The following SDK1 variants were observed in gnomAD, a reference collection of about 807,000 sequenced individuals.
SDK1 encodes the protein protein sidekick-1.
SDK1 carries 157 observed loss-of-function variants against 245.5 expected under a neutral mutation model. The ratio of observed to expected loss-of-function variants is 0.64; its 90% CI spans 0.56 to 0.73. The LOEUF (loss-of-function observed/expected upper bound fraction) is 0.73, where lower values mean the gene tolerates loss of function less well. SDK1 is among the 30% of genes least tolerant of loss of function. The pLI is 0.00. For missense variants in SDK1, 3,583 were observed against 3,002.3 expected, an observed-to-expected ratio of 1.19 and a Z score of -4.52; for synonymous variants, 1,647 against 1,278.5, an observed-to-expected ratio of 1.29 and a Z score of -6.15.
intron 4 of SDK1, among the ~76,000 whole-genome samples, chr7:3,741,153 G>C (rs1158765237): frequency 6.6e-6 from 1 of 152,198 alleles, no homozygotes; most frequent in African/African-American, 2.4e-5. Context: ...GATGTGCTGA[G>C]CACTCTCTGA....
chr7:3,965,168 G>C (rs962389361), intron 9 of SDK1, among the ~76,000 whole-genome samples: 2 of 152,166 alleles, frequency 1.3e-5, no homozygotes. Context: ...GCGAGTGGCT[G>C]TGTTCCAATA....
chr7:4,260,828 G>T (rs1787955132), intron 44 of SDK1, among the ~76,000 whole-genome samples: 3 of 149,928 alleles, frequency 2.0e-5, no homozygotes, highest in Admixed American at 6.6e-5. Flanking sequence ...GGCTGCTCCG[G>T]GGTCTCTGCA....
intron 4 of SDK1, among the ~76,000 whole-genome samples, chr7:3,738,594 A>G (rs577600816): frequency 6.6e-6 from 1 of 152,198 alleles, no homozygotes; most frequent in Non-Finnish European, 1.5e-5. Flanking sequence ...GAATTTTAGC[A>G]GGATTGTATT....
At chr7:3,726,525 C>T (rs868013602) in intron 4 of SDK1, among the ~76,000 whole-genome samples, 1 of 152,156 alleles carries the variant, frequency 6.6e-6, no homozygotes, top group Middle Eastern at 3.2e-3. Context: ...TTAGCACTTT[C>T]TAAAGTATTT....
rs1397961126 is a variant in SDK1, at chr7:4,116,026, C to T, written c.3823+1752C>T. Among the ~76,000 whole-genome samples, 5 of 152,086 alleles carry T rather than the reference C, an allele frequency of 3.3e-5. No individual in the cohort carries two copies. In the South Asian group the frequency reaches 1.0e-3, roughly 31 times the overall value. The stretch of plus-strand genomic sequence containing the variant: ...GGGTGGAGGTGGCTTTGGGGGGCTG[C>T]CATCCTCAGGACAGAGGAGTTTAAA... On this transcript the variant is annotated intron_variant, in intron 25 of 44. Coordinates refer to ENST00000404826, the MANE Select transcript of SDK1 (RefSeq NM_152744.4).
intron 14 of SDK1, among the ~76,000 whole-genome samples, chr7:3,998,507 C>A (rs535444494): frequency 6.6e-6 from 1 of 152,112 alleles, no homozygotes. Flanking sequence ...AATACCCCTA[C>A]GTTTATGTGA....
Position 4,113,405 on chromosome 7 carries a change from C to A in SDK1, c.3551C>A (p.Thr1184Asn). The A allele has an allele frequency of 6.2e-7, 1 of 1,613,942 alleles. No individual in the cohort carries two copies. The highest frequency in any genetic ancestry group is 8.5e-7 in the Non-Finnish European group (1 of 1,180,036). The change falls in exon 24 of 45, where the codon ACT (threonine) becomes AAT (asparagine). Residue 1184 changes from threonine (T) to asparagine (N), a missense_variant. Thr to Asn is a moderately conservative substitution (Grantham distance 65). Transcript: ENST00000404826. The part of the protein sequence containing the change: ...DVAPTSVTVR[T>N]ASETSLRLRW... ...GCTCCAACCAGCGTCACGGTCCGTA[C>A]TGCCAGTGAGACCAGCCTGCGGCTT... is the stretch of plus-strand genomic sequence containing the variant.
chr7:4,221,173 T>G (rs554288176), intron 39 of SDK1, 66 bp from the exon 40 acceptor site: 1 of 1,589,358 alleles, frequency 6.3e-7, no homozygotes, highest in South Asian at 1.1e-5. Context: ...CTGTGAAATC[T>G]CACGGGGTGG....
At position 4,200,910 on chromosome 7, in the gene SDK1, C is replaced by T. The variant is rs981261415; in HGVS notation, c.5099-4969C>T. Among the ~76,000 whole-genome samples, 12 of 152,248 alleles carry T rather than the reference C, an allele frequency of 7.9e-5. 1 individual carries two copies. Among genetic ancestry groups the T allele is most frequent in the Admixed American group, 7.8e-4 (12 of 15,292 alleles). ...AGTTTTATTGGAACATTGCCATGCC[C>T]ATGCATTACAGATTGTTGGAGGCTG... is the stretch of plus-strand genomic sequence containing the variant. On this transcript the variant is annotated intron_variant, in intron 35 of 44. Transcript: ENST00000404826.
chr7:3,943,148 A>G (rs953366722), intron 5 of SDK1, among the ~76,000 whole-genome samples: 4 of 152,188 alleles, frequency 2.6e-5, no homozygotes, highest in Non-Finnish European at 5.9e-5. Context: ...GCTCTCTCCG[A>G]TATTCTGGAA....
chr7:3,986,630 G>A (rs1035090381), intron 13 of SDK1, among the ~76,000 whole-genome samples: 3 of 152,224 alleles, frequency 2.0e-5, no homozygotes, highest in Non-Finnish European at 4.4e-5. Context: ...GGAGGCCAAG[G>A]CGGGTGAATC....
intron 1 of SDK1, among the ~76,000 whole-genome samples, chr7:3,537,473 G>T (rs1400455298): frequency 1.3e-5 from 2 of 152,160 alleles, no homozygotes; most frequent in African/African-American, 4.8e-5. Context: ...GGTTAGGTTG[G>T]ACTGTAAATC....
intron 17 of SDK1, among the ~76,000 whole-genome samples, chr7:4,032,735 C>A (rs1464850334): frequency 1.3e-5 from 2 of 152,058 alleles, no homozygotes; most frequent in Non-Finnish European, 1.5e-5. Flanking sequence ...AACAGAATAA[C>A]ATTAGAAAAG....
At chr7:3,949,458 C>T (rs1207285052) in intron 5 of SDK1, among the ~76,000 whole-genome samples, 3 of 152,222 alleles carry the variant, frequency 2.0e-5, no homozygotes, top group African/African-American at 2.4e-5. Context: ...CTCACCCCAC[C>T]GCCAGCCGGG....
At chr7:3,384,848 TACTG>T in intron 1 of SDK1, among the ~76,000 whole-genome samples, 1 of 152,338 alleles carries the variant, frequency 6.6e-6, no homozygotes, top group East Asian at 1.9e-4. Context: ...TTATTTTACT[TACTG>T]CAGTACCCGT....
intron 1 of SDK1, among the ~76,000 whole-genome samples, chr7:3,481,280 A>T (rs184194954): frequency 4.6e-5 from 7 of 152,356 alleles, no homozygotes; most frequent in Non-Finnish European, 1.0e-4. Flanking sequence ...GTTCAAGATC[A>T]CACAATTAGT....
chr7:3,820,253 G>T (rs114852732), intron 4 of SDK1, among the ~76,000 whole-genome samples: 4 of 152,116 alleles, frequency 2.6e-5, no homozygotes, highest in Non-Finnish European at 5.9e-5. Context: ...AGGTTCAAGC[G>T]ATTGTTCTGC....
intron 7 of SDK1, among the ~76,000 whole-genome samples, chr7:3,957,204 C>T (rs952486151): frequency 2.0e-5 from 3 of 152,014 alleles, no homozygotes; most frequent in Non-Finnish European, 4.4e-5. Flanking sequence ...TGGAAGGCAA[C>T]ACCCTTGTGC....
At chr7:3,546,336 G>T (rs994358458) in intron 1 of SDK1, among the ~76,000 whole-genome samples, 1 of 152,172 alleles carries the variant, frequency 6.6e-6, no homozygotes, top group Non-Finnish European at 1.5e-5. Flanking sequence ...TAGGTCTCTC[G>T]GCCCCTCTAA....
Sources: gnomAD v4.1 joint callset for allele counts (sites outside exome capture counted in the v4.1 genomes callset) on GRCh38, gnomAD v4.1.1 for gene constraint, MANE v1.5 for transcripts, NCBI Gene and HGNC (gene_info 2026-07-23, HGNC 2026-07-21) for gene names.